KIAA1328: variants seen among roughly 807,000 people sequenced by gnomAD.
The protein encoded by KIAA1328 is KIAA1328.
KIAA1328 carries 52 observed loss-of-function variants against 68.1 expected under a neutral mutation model. The ratio of observed to expected loss-of-function variants is 0.76; its 90% CI spans 0.61 to 0.96. The LOEUF (loss-of-function observed/expected upper bound fraction) is 0.96. Among genes scored for constraint, KIAA1328 ranks in the 40% least tolerant of loss-of-function variants. KIAA1328 has a pLI of 0.00. For missense variants in KIAA1328, 641 were observed against 677.6 expected, an observed-to-expected ratio of 0.95 and a Z score of 0.60; for synonymous variants, 232 against 239.4, an observed-to-expected ratio of 0.97 and a Z score of 0.28.
At chr18:36,901,787 T>C (rs2049047864) in intron 5 of KIAA1328, among the ~76,000 whole-genome samples, 1 of 152,042 alleles carries the variant, frequency 6.6e-6, no homozygotes, top group Admixed American at 6.6e-5. Flanking sequence ...AGAACTGATA[T>C]AGCATAAAAC....
At chr18:37,005,046 T>C (rs964600191) in intron 6 of KIAA1328, among the ~76,000 whole-genome samples, 2 of 151,940 alleles carry the variant, frequency 1.3e-5, no homozygotes, top group Non-Finnish European at 2.9e-5. Flanking sequence ...GTGGCTAAGC[T>C]ATGAGGAGGC....
chr18:36,938,703 T>G (rs1209112225), intron 5 of KIAA1328, among the ~76,000 whole-genome samples: 1 of 152,204 alleles, frequency 6.6e-6, no homozygotes, highest in Non-Finnish European at 1.5e-5. Context: ...TTCTAGTAGT[T>G]CTGTAGTTTT....
At chr18:37,205,405 G>A (rs1306822539) in intron 9 of KIAA1328, among the ~76,000 whole-genome samples, 1 of 152,060 alleles carries the variant, frequency 6.6e-6, no homozygotes, top group African/African-American at 2.4e-5. Context: ...CTTATAAAGG[G>A]GTCTCTCTTT....
chr18:36,916,759 G>T (rs1432338995), intron 5 of KIAA1328, among the ~76,000 whole-genome samples: 1 of 152,058 alleles, frequency 6.6e-6, no homozygotes, highest in African/African-American at 2.4e-5. Flanking sequence ...TTACGTATTT[G>T]TTAAAACAGC....
chr18:37,026,202 A>C (rs1232756408), intron 6 of KIAA1328, among the ~76,000 whole-genome samples: 1 of 152,200 alleles, frequency 6.6e-6, no homozygotes, highest in South Asian at 2.1e-4. Flanking sequence ...ATAGACCAAT[A>C]ACAGGCTCTG....
At chr18:37,217,678 G>T (rs1035357079) in intron 9 of KIAA1328, among the ~76,000 whole-genome samples, 4 of 152,084 alleles carry the variant, frequency 2.6e-5, no homozygotes, top group Non-Finnish European at 5.9e-5. Flanking sequence ...GTATCTTTGT[G>T]GTGTTCTCTG....
intron 3 of KIAA1328, among the ~76,000 whole-genome samples, chr18:36,838,424 A>G (rs998966329): frequency 2.0e-5 from 3 of 152,184 alleles, no homozygotes; most frequent in African/African-American, 4.8e-5. Flanking sequence ...GATTTCCTAA[A>G]AGACTTCCTT....
In KIAA1328 at chr18:37,070,695, C is replaced by T. The variant is rs149995131; in HGVS notation, c.1232+3150C>T. Among the ~76,000 whole-genome samples, 1,215 of 151,670 alleles carry T rather than the reference C, an allele frequency of 8.0e-3. 18 individuals carry two copies. Among genetic ancestry groups the T allele is most frequent in the African/African-American group, 0.023 (945 of 41,332 alleles). On this transcript the variant is annotated intron_variant, in intron 7 of 9. Coordinates refer to ENST00000280020, the MANE Select transcript of KIAA1328 (RefSeq NM_020776.3). ...AAGCAATTCTCCTGCCTCAGCCTCC[C>T]GAATAGCTGGGATTACAGGTGCCCA...
intron 4 of KIAA1328, among the ~76,000 whole-genome samples, chr18:36,849,861 T>C (rs2047154774): frequency 6.6e-6 from 1 of 152,054 alleles, no homozygotes; most frequent in African/African-American, 2.4e-5. Flanking sequence ...TCCACATTCT[T>C]GTCACCATTT....
At chr18:36,866,142 T>G (rs1197615970) in intron 4 of KIAA1328, among the ~76,000 whole-genome samples, 1 of 152,212 alleles carries the variant, frequency 6.6e-6, no homozygotes, top group Non-Finnish European at 1.5e-5. Context: ...CTCCTCCCCA[T>G]GCTTGGGCTC....
intron 7 of KIAA1328, among the ~76,000 whole-genome samples, chr18:37,150,891 A>G (rs985437238): frequency 6.6e-6 from 1 of 152,138 alleles, no homozygotes; most frequent in Non-Finnish European, 1.5e-5. Flanking sequence ...AATAACAAAC[A>G]CTTTTAGGAA....
At chr18:37,208,428 G>C (rs2060256281) in intron 9 of KIAA1328, among the ~76,000 whole-genome samples, 1 of 152,164 alleles carries the variant, frequency 6.6e-6, no homozygotes, top group South Asian at 2.1e-4. Context: ...TCAGAATATT[G>C]ACTGAGTGTC....
chr18:37,103,993 G>T lies in KIAA1328; in HGVS notation c.1232+36448G>T, dbSNP rs186704701. ...GTATCATCTCACCCCAGTTAGCAGGGCTATTATCAAAAGACAAGACATAAC... is the reference window on the plus strand; with the variant it reads ...GTATCATCTCACCCCAGTTAGCAGGTCTATTATCAAAAGACAAGACATAAC... On this transcript the variant is annotated intron_variant, in intron 7 of 9. Transcript: ENST00000280020. Among the ~76,000 whole-genome samples the T allele has an allele frequency of 2.6e-5, 4 of 152,212 alleles. No individual in the cohort carries two copies. In the East Asian group the frequency reaches 7.7e-4, roughly 29 times the overall value.
intron 5 of KIAA1328, among the ~76,000 whole-genome samples, chr18:36,909,574 G>A (rs576577561): frequency 6.6e-6 from 1 of 152,120 alleles, no homozygotes; most frequent in East Asian, 1.9e-4. Context: ...TTGCTATTGT[G>A]AATAGTGCCA....
intron 6 of KIAA1328, among the ~76,000 whole-genome samples, chr18:36,994,638 T>A (rs958976652): frequency 2.0e-5 from 3 of 152,202 alleles, no homozygotes; most frequent in Admixed American, 1.3e-4. Context: ...TCTGAAAAAC[T>A]GTGATCTGTT....
At chr18:37,134,685 A>G (rs2058602669) in intron 7 of KIAA1328, among the ~76,000 whole-genome samples, 1 of 152,202 alleles carries the variant, frequency 6.6e-6, no homozygotes, top group Non-Finnish European at 1.5e-5. Context: ...TTGTGAAAAT[A>G]TTTTTTAAAT....
chr18:36,899,465 T>C (rs2048965449), intron 5 of KIAA1328, among the ~76,000 whole-genome samples: 1 of 151,932 alleles, frequency 6.6e-6, no homozygotes. Flanking sequence ...ATCTGCATAA[T>C]CTGACACTCT....
intron 9 of KIAA1328, among the ~76,000 whole-genome samples, chr18:37,221,564 A>G (rs2060563749): frequency 6.6e-6 from 1 of 152,176 alleles, no homozygotes; most frequent in African/African-American, 2.4e-5. Flanking sequence ...TTTCTGTTAG[A>G]TGAGTTACTT....
At chr18:37,198,489 T>G (rs181617312) in intron 9 of KIAA1328, among the ~76,000 whole-genome samples, 1 of 152,128 alleles carries the variant, frequency 6.6e-6, no homozygotes, top group Non-Finnish European at 1.5e-5. Context: ...TTCAGTTTTA[T>G]TGGAGTGGTA....
Sources: allele counts gnomAD v4.1 joint callset (sites outside exome capture counted in the v4.1 genomes callset), GRCh38; gene constraint gnomAD v4.1.1; transcripts MANE v1.5; gene names NCBI Gene and HGNC (gene_info 2026-07-23, HGNC 2026-07-21).